Variants in RBFOX1 observed in about 807,000 individuals in gnomAD.
The protein encoded by RBFOX1 is RNA binding fox-1 homolog 1.
A neutral mutation model predicts 57.7 loss-of-function variants in RBFOX1; 8 were observed. The ratio of observed to expected loss-of-function variants is 0.14; its 90% CI spans 0.08 to 0.25. The LOEUF (loss-of-function observed/expected upper bound fraction) is 0.25. RBFOX1 is among the 10% of genes least tolerant of loss of function. The pLI, the probability that RBFOX1 is intolerant of heterozygous loss-of-function variation, is 1.00. For synonymous variants in RBFOX1, 326 were observed against 222.4 expected (o/e 1.47, Z -4.15); for missense variants, 611 against 548.5 (o/e 1.11, Z -1.14).
chr16:5,776,557 G>A (rs936802676), intron 3 of RBFOX1, among the ~76,000 whole-genome samples: 1 of 152,306 alleles, frequency 6.6e-6, no homozygotes, highest in Middle Eastern at 3.4e-3. Context: ...TCTGCACCAC[G>A]TACTGTGCTG....
At chr16:5,364,786 C>T (rs1026766359) in intron 1 of RBFOX1, among the ~76,000 whole-genome samples, 1 of 152,070 alleles carries the variant, frequency 6.6e-6, no homozygotes, top group African/African-American at 2.4e-5. Context: ...GCAGGTGCTG[C>T]TTTAAAGATG....
chr16:7,257,851 G>T (rs1178167988), intron 4 of RBFOX1, among the ~76,000 whole-genome samples: 1 of 152,194 alleles, frequency 6.6e-6, no homozygotes, highest in East Asian at 1.9e-4. Context: ...GGAAGTCCTT[G>T]CATTCTGGCT....
At chr16:6,223,490 A>G (rs947901078) in intron 1 of RBFOX1, among the ~76,000 whole-genome samples, 3 of 152,116 alleles carry the variant, frequency 2.0e-5, no homozygotes, top group African/African-American at 7.2e-5. Flanking sequence ...TTGGCTGCAT[A>G]AATGTCTTCT....
chr16:5,779,549 A>G (rs1459805577), intron 3 of RBFOX1, among the ~76,000 whole-genome samples: 3 of 152,196 alleles, frequency 2.0e-5, no homozygotes, highest in Non-Finnish European at 4.4e-5. Flanking sequence ...CCATGTATCC[A>G]AGTATCCCTA....
At chr16:6,957,267 G>A (rs1037898955) in intron 3 of RBFOX1, among the ~76,000 whole-genome samples, 1 of 151,812 alleles carries the variant, frequency 6.6e-6, no homozygotes, top group Non-Finnish European at 1.5e-5. Flanking sequence ...GAGTAGCTGG[G>A]ACTACAGGTG....
rs2060872026 is a variant in RBFOX1, at chr16:7,091,620, C to T, written c.27+39522C>T. Among the ~76,000 whole-genome samples, 5 of 152,268 alleles carry T rather than the reference C, an allele frequency of 3.3e-5. No homozygotes were observed. The South Asian group carries it at 8.3e-4, about 25-fold the overall frequency. On this transcript the variant is annotated intron_variant, in intron 4 of 15. Transcript: ENST00000550418. ...CAGAGTGTGTTACACTTGGCAGAAA[C>T]TCCACCACCCAGACAGCTCCAGTTC...
chr16:6,393,713 C>A (rs950183917), intron 2 of RBFOX1, among the ~76,000 whole-genome samples: 1 of 152,136 alleles, frequency 6.6e-6, no homozygotes, highest in African/African-American at 2.4e-5. Context: ...TTTAGACACA[C>A]AACACTTTTC....
At chr16:5,274,073 C>G (rs112714652) in intron 1 of RBFOX1, among the ~76,000 whole-genome samples, 4 of 152,172 alleles carry the variant, frequency 2.6e-5, no homozygotes, top group African/African-American at 7.2e-5. Flanking sequence ...CAGGTTTTCG[C>G]TCTTAAACCT....
chr16:5,536,029 C>G (rs568637354), intron 2 of RBFOX1, among the ~76,000 whole-genome samples: 1 of 152,002 alleles, frequency 6.6e-6, no homozygotes, highest in Non-Finnish European at 1.5e-5. Context: ...CCTTTCCTGA[C>G]AGGGAATCTC....
intron 4 of RBFOX1, among the ~76,000 whole-genome samples, chr16:7,513,198 G>C (rs556954142): frequency 6.6e-6 from 1 of 152,210 alleles, no homozygotes; most frequent in East Asian, 1.9e-4. Context: ...CGGAGGCGGA[G>C]GTTGCAGTGA....
intron 3 of RBFOX1, among the ~76,000 whole-genome samples, chr16:6,867,539 C>G (rs1196119089): frequency 1.3e-5 from 2 of 151,966 alleles, no homozygotes; most frequent in Non-Finnish European, 2.9e-5. Flanking sequence ...GCCAACATGG[C>G]AAAACCTCAT....
At chr16:6,887,970 T>G (rs2064510063) in intron 3 of RBFOX1, among the ~76,000 whole-genome samples, 1 of 152,094 alleles carries the variant, frequency 6.6e-6, no homozygotes, top group Non-Finnish European at 1.5e-5. Context: ...CCCATCCTCA[T>G]CATTTTTATT....
intron 2 of RBFOX1, among the ~76,000 whole-genome samples, chr16:6,457,605 G>C (rs2094809425): frequency 6.6e-6 from 1 of 152,150 alleles, no homozygotes; most frequent in African/African-American, 2.4e-5. Context: ...TAAATCGCCA[G>C]GGGTATTCGA....
intron 3 of RBFOX1, among the ~76,000 whole-genome samples, chr16:6,694,048 G>T (rs1238759875): frequency 6.6e-6 from 1 of 152,216 alleles, no homozygotes; most frequent in African/African-American, 2.4e-5. Context: ...TTTGTCATAT[G>T]TCACTACTCA....
chr16:6,129,495 G>C (rs2096614100), intron 1 of RBFOX1, among the ~76,000 whole-genome samples: 1 of 152,016 alleles, frequency 6.6e-6, no homozygotes, highest in Non-Finnish European at 1.5e-5. Context: ...GGAAACAAAG[G>C]TAGTAAAATA....
At chr16:6,663,095 G>A (rs1232407661) in intron 3 of RBFOX1, among the ~76,000 whole-genome samples, 1 of 152,146 alleles carries the variant, frequency 6.6e-6, no homozygotes, top group African/African-American at 2.4e-5. Flanking sequence ...GGGCAGGGAT[G>A]GATACAGGAG....
chr16:7,496,999 C>T (rs2068887228), intron 4 of RBFOX1, among the ~76,000 whole-genome samples: 1 of 152,064 alleles, frequency 6.6e-6, no homozygotes, highest in Non-Finnish European at 1.5e-5. Flanking sequence ...GTCACGTCTC[C>T]CATAAATGAC....
chr16:5,534,355 A>G (rs1199191836), intron 2 of RBFOX1, among the ~76,000 whole-genome samples: 9 of 152,296 alleles, frequency 5.9e-5, no homozygotes, highest in Admixed American at 3.3e-4. Context: ...AAGTCCCCCA[A>G]TAGCTGTCTT....
At chr16:6,497,936 C>G (rs908704302) in intron 2 of RBFOX1, among the ~76,000 whole-genome samples, 1 of 152,108 alleles carries the variant, frequency 6.6e-6, no homozygotes, top group Non-Finnish European at 1.5e-5. Flanking sequence ...AAATTAATCA[C>G]TGTTACCCAT....
Sources: allele counts gnomAD v4.1 joint callset (sites outside exome capture counted in the v4.1 genomes callset), GRCh38; gene constraint gnomAD v4.1.1; transcripts MANE v1.5; gene names NCBI Gene and HGNC (gene_info 2026-07-23, HGNC 2026-07-21).